Variants in JMJD1C observed in about 807,000 individuals in gnomAD.
JMJD1C encodes the protein jumonji domain-containing protein 1C.
Under a neutral mutation model 245.3 loss-of-function variants are expected in JMJD1C, and 31 were observed. The ratio of observed to expected loss-of-function variants is 0.13; its 90% CI spans 0.09 to 0.17. The LOEUF is 0.17. JMJD1C is among the 10% of genes least tolerant of loss of function. The probability of loss-of-function intolerance (pLI) is 1.00; values close to 1 mark genes in which losing one functional copy is unlikely to be tolerated. For synonymous variants in JMJD1C, 1,057 were observed against 1,017.4 expected (o/e 1.04, Z -0.74); for missense variants, 2,691 against 3,000.2 (o/e 0.90, Z 2.41).
chr10:63,393,734 TAAATGGAG>T (rs1948257850), intron 1 of JMJD1C, among the ~76,000 whole-genome samples: 1 of 152,136 alleles, frequency 6.6e-6, no homozygotes, highest in Non-Finnish European at 1.5e-5. Flanking sequence ...GGTAGATGAA[TAAATGGAG>T]AAATGTGGAA....
chr10:63,416,754 TCA>T (rs1340165673), intron 1 of JMJD1C, among the ~76,000 whole-genome samples: 2 of 152,192 alleles, frequency 1.3e-5, no homozygotes, highest in Admixed American at 6.5e-5. Context: ...ATCACAGAAT[TCA>T]CACATTTTAA....
chr10:63,455,081 C>A (rs1952324931), intron 1 of JMJD1C, among the ~76,000 whole-genome samples: 1 of 151,982 alleles, frequency 6.6e-6, no homozygotes, highest in South Asian at 2.1e-4. Flanking sequence ...TTATTTTTAA[C>A]AAAAAACTCT....
At position 63,438,455 on chromosome 10, in the gene JMJD1C, T is replaced by A. The variant is rs74137757; in HGVS notation, c.168+27040A>T. Among the ~76,000 whole-genome samples the A allele has an allele frequency of 9.2e-3, 1,400 of 152,286 alleles. 18 individuals carry two copies. The highest frequency in any genetic ancestry group is 0.031 in the African/African-American group (1,282 of 41,558). On this transcript the variant is annotated intron_variant, in intron 1 of 25. Transcript: ENST00000399262. ...CCTAACCGCTCTCCCTGCATCTGCC[T>A]CACCCCACACCCCAAGAGTCTACTA...
intron 1 of JMJD1C, among the ~76,000 whole-genome samples, chr10:63,382,997 T>C (rs949732634): frequency 3.3e-5 from 5 of 152,180 alleles, no homozygotes; most frequent in African/African-American, 1.2e-4. Flanking sequence ...GTAATAAAAG[T>C]ATCTTTAAAT....
At chr10:63,310,583 T>A (rs910588905) in intron 2 of JMJD1C, among the ~76,000 whole-genome samples, 4 of 152,140 alleles carry the variant, frequency 2.6e-5, no homozygotes, top group Non-Finnish European at 1.5e-5. Flanking sequence ...TGGGAAAAAA[T>A]TTCATTCTTC....
At chr10:63,488,709 T>A (rs1014279580) in intron 1 of JMJD1C, among the ~76,000 whole-genome samples, 1 of 152,192 alleles carries the variant, frequency 6.6e-6, no homozygotes, top group Non-Finnish European at 1.5e-5. Flanking sequence ...ATTAACTCTA[T>A]CTTTCCCATT....
At chr10:63,408,174 C>G (rs951545490) in intron 1 of JMJD1C, among the ~76,000 whole-genome samples, 4 of 152,068 alleles carry the variant, frequency 2.6e-5, no homozygotes, top group African/African-American at 7.2e-5. Context: ...GAGGCCGAGG[C>G]AGGTGGATCA....
At chr10:63,316,947 C>A (rs1416945257) in intron 2 of JMJD1C, among the ~76,000 whole-genome samples, 1 of 152,172 alleles carries the variant, frequency 6.6e-6, no homozygotes, top group African/African-American at 2.4e-5. Flanking sequence ...GCAACATCCA[C>A]CCCCTGGGTT....
intron 1 of JMJD1C, among the ~76,000 whole-genome samples, chr10:63,453,564 T>C (rs1450742236): frequency 6.6e-6 from 1 of 152,292 alleles, no homozygotes; most frequent in African/African-American, 2.4e-5. Context: ...TAAAATATAA[T>C]TTCAAATTAG....
Position 63,396,931 on chromosome 10 carries a change from T to G in JMJD1C, c.169-16449A>C, listed in dbSNP as rs866299845. On this transcript the variant is annotated intron_variant, in intron 1 of 25. Transcript: ENST00000399262. ...CGTTCAAGAAGAACTGGTTTTTGGT[T>G]TTTTTTTTTTTTTTTGAGACAGGGT... Among the ~76,000 whole-genome samples, 796 of 127,234 alleles carry G rather than the reference T, an allele frequency of 6.3e-3. 3 individuals carry two copies. The highest frequency in any genetic ancestry group is 0.023 in the African/African-American group (747 of 32,762). 83.5% of individuals were successfully genotyped at this position (127,234 alleles called of 152,430 possible). A position where few individuals can be genotyped will look rare whatever the true frequency, so the allele number is the denominator to read the frequency against.
intron 1 of JMJD1C, among the ~76,000 whole-genome samples, chr10:63,493,696 C>T (rs867227451): frequency 6.6e-6 from 1 of 152,150 alleles, no homozygotes; most frequent in Non-Finnish European, 1.5e-5. Context: ...AATTCAACAG[C>T]ACCTAAAACA....
At chr10:63,281,275 C>G (rs1232795031) in intron 2 of JMJD1C, among the ~76,000 whole-genome samples, 1 of 150,844 alleles carries the variant, frequency 6.6e-6, no homozygotes, top group African/African-American at 2.4e-5. Context: ...GCTGAGATTA[C>G]AGGCACACGC....
chr10:63,299,145 A>G (rs1564752147), intron 2 of JMJD1C, among the ~76,000 whole-genome samples: 1 of 152,340 alleles, frequency 6.6e-6, no homozygotes, highest in Non-Finnish European at 1.5e-5. Context: ...AAGTTTAGAA[A>G]TAAAGATATA....
At chr10:63,219,521 C>G (rs558636102) in intron 4 of JMJD1C, among the ~76,000 whole-genome samples, 1 of 152,268 alleles carries the variant, frequency 6.6e-6, no homozygotes, top group East Asian at 1.9e-4. Flanking sequence ...ATACGAAGAA[C>G]ATTCTTCAAA....
At chr10:63,171,399 C>T (rs1361131181) in intron 24 of JMJD1C, among the ~76,000 whole-genome samples, 1 of 152,214 alleles carries the variant, frequency 6.6e-6, no homozygotes, top group Non-Finnish European at 1.5e-5. Context: ...GCTGCTTTCC[C>T]TCAGCTTGCT....
intron 1 of JMJD1C, among the ~76,000 whole-genome samples, chr10:63,454,933 A>C (rs926758517): frequency 2.0e-4 from 31 of 152,210 alleles, no homozygotes; most frequent in African/African-American, 6.5e-4. Flanking sequence ...CTTGGCAAAA[A>C]TACTTCATAA....
chr10:63,241,805 ATT>A (rs1253280862), intron 3 of JMJD1C, among the ~76,000 whole-genome samples: 16 of 152,160 alleles, frequency 1.1e-4, no homozygotes, highest in Non-Finnish European at 2.2e-4. Flanking sequence ...GAGGCAACAA[ATT>A]TTTGTTTTGT....
At chr10:63,274,213 T>C (rs937426575) in intron 2 of JMJD1C, among the ~76,000 whole-genome samples, 43 of 152,180 alleles carry the variant, frequency 2.8e-4, no homozygotes, top group African/African-American at 9.7e-4. Flanking sequence ...TACTGTAAAA[T>C]CTATGAAAAT....
chr10:63,377,535 C>A (rs1564851462), intron 2 of JMJD1C, among the ~76,000 whole-genome samples: 1 of 152,028 alleles, frequency 6.6e-6, no homozygotes. Flanking sequence ...GAGTTCAAGA[C>A]CTGCCTGGCC....
Sources: gnomAD v4.1 joint callset for allele counts (sites outside exome capture counted in the v4.1 genomes callset) on GRCh38, gnomAD v4.1.1 for gene constraint, MANE v1.5 for transcripts, NCBI Gene and HGNC (gene_info 2026-07-23, HGNC 2026-07-21) for gene names.